Variants in BDH1 observed in about 807,000 individuals in gnomAD.
BDH1 encodes the protein D-beta-hydroxybutyrate dehydrogenase, mitochondrial.
A neutral mutation model predicts 33.1 loss-of-function variants in BDH1; 30 were observed. The ratio of observed to expected loss-of-function variants is 0.91; its 90% CI spans 0.68 to 1.23. The LOEUF is 1.23. Among genes scored for constraint, BDH1 ranks in the 50% most tolerant of loss-of-function variants. The probability of loss-of-function intolerance (pLI) is 0.00; values close to 1 mark genes in which losing one functional copy is unlikely to be tolerated. For synonymous variants in BDH1, 190 were observed against 183.6 expected (o/e 1.03, Z -0.28); for missense variants, 443 against 464.4 (o/e 0.95, Z 0.42).
chr3:197,529,455 C>T (rs1007749728), intron 5 of BDH1: 1 of 152,124 alleles, frequency 6.6e-6, no homozygotes, highest in African/African-American at 2.4e-5. Flanking sequence ...TGCAAATATT[C>T]CAAAATCTGG....
Position 197,510,683 on chromosome 3 carries a change from AGGTGTG to A in BDH1, c.*1206_*1211del. ...GTGTGTGTGTGTGTACATGTGTGTA[AGGTGTG>A]TGTGTGTGTGTGTGTGTGTGTGTGT... On this transcript the variant is annotated 3_prime_UTR_variant, in exon 8 of 8. Transcript: ENST00000392379. 1 of 38,588 alleles carries A rather than the reference AGGTGTG, an allele frequency of 2.6e-5. No individual in the cohort carries two copies. The highest frequency in any genetic ancestry group is 2.9e-4 in the Admixed American group (1 of 3,434). The allele number at this position is 38,588 out of a possible 1,614,324, so 2.4% of individuals were successfully genotyped here. A position where few individuals can be genotyped will look rare whatever the true frequency, so the allele number is the denominator to read the frequency against.
chr3:197,534,182 AT>A (rs1284557963), intron 3 of BDH1: 1 of 152,178 alleles, frequency 6.6e-6, no homozygotes, highest in Non-Finnish European at 1.5e-5. Context: ...AAATACAGAA[AT>A]TTCCATCACC....
chr3:197,560,895 C>T (rs1442422583), upstream of BDH1, among the ~76,000 whole-genome samples: 1 of 152,164 alleles, frequency 6.6e-6, no homozygotes, highest in Non-Finnish European at 1.5e-5. Context: ...TGTCTCTCAC[C>T]TACTTGTGAC....
intron 1 of BDH1, among the ~76,000 whole-genome samples, chr3:197,561,054 C>A (rs538151409): frequency 4.5e-4 from 69 of 152,298 alleles, no homozygotes; most frequent in Middle Eastern, 6.8e-3. Context: ...CCTCCTGAGG[C>A]TGTGTCACAG....
At chr3:197,532,567 G>A in intron 4 of BDH1, 45 bp from the exon 5 acceptor site, 1 of 1,471,466 alleles carries the variant, frequency 6.8e-7, no homozygotes, top group Non-Finnish European at 9.5e-7. Context: ...GGTGGTACAG[G>A]GGCAAAGTGA....
rs1371764046 is a variant in BDH1 at position 197,525,861 on chromosome 3, T to TCTGTGTG, written c.268-3081_268-3080insCACACAG. ...AGGGTTTCTGTGCTCCCTCTGCAGG[T>TCTGTGTG]CTCCGTGCTCCCTCTGCAGGTCTGT... On this transcript the variant is annotated intron_variant, in intron 5 of 7. Coordinates refer to ENST00000392379, the MANE Select transcript of BDH1 (RefSeq NM_203314.3). This position sits in a 1 kb window ranked among gnomAD's most constrained non-coding sequence, Gnocchi z 4.9. Among the ~76,000 whole-genome samples, 473 of 152,126 alleles carry TCTGTGTG rather than the reference T, an allele frequency of 3.1e-3. 3 individuals carry two copies. The highest frequency in any genetic ancestry group is 0.011 in the African/African-American group (442 of 41,510).
rs58429644 is a variant in BDH1 at position 197,523,221 on chromosome 3, TA to T, written c.268-441del. On this transcript the variant is annotated intron_variant, in intron 5 of 7. Coordinates refer to ENST00000392379, the MANE Select transcript of BDH1 (RefSeq NM_203314.3). The surrounding 1 kb of genome is among the most constrained non-coding windows in gnomAD (Gnocchi z 4.5). ...TAAGTGTTGGCAACTTACACACATT[TA>T]AAAAAAAAAACAAAAAAACACTGTG... 175 of 150,830 alleles carry T rather than the reference TA, an allele frequency of 1.2e-3. No homozygotes were observed. The highest frequency in any genetic ancestry group is 3.0e-3 in the Middle Eastern group (1 of 328). 9.3% of individuals were successfully genotyped at this position (150,830 alleles called of 1,614,324 possible).
At chr3:197,530,676 T>C (rs1231072826) in intron 5 of BDH1, 1 of 152,622 alleles carries the variant, frequency 6.6e-6, no homozygotes, top group Admixed American at 6.5e-5. Flanking sequence ...TGAAAACACC[T>C]AAATGCTCAT....
intron 3 of BDH1, among the ~76,000 whole-genome samples, chr3:197,541,071 T>G (rs1385780712): frequency 2.0e-5 from 3 of 152,238 alleles, no homozygotes; most frequent in Non-Finnish European, 4.4e-5. Context: ...TCCCTCAATT[T>G]GCAGCTCTTA....
rs1014674787 is a variant in BDH1, at chr3:197,522,579, C to T, written c.409+61G>A. Reference sequence around the variant, plus strand: ...ATGCCAGCCAGTGGAAGGTGGTGTTCGGCAAGTGCCCCTTGGAATGGCCCC... The same window carrying T: ...ATGCCAGCCAGTGGAAGGTGGTGTTTGGCAAGTGCCCCTTGGAATGGCCCC... On this transcript the variant is annotated intron_variant, in intron 6 of 7. Coordinates refer to ENST00000392379, the MANE Select transcript of BDH1 (RefSeq NM_203314.3). The surrounding 1 kb of genome is among the most constrained non-coding windows in gnomAD (Gnocchi z 4.8). 3.1e-5 allele frequency: 50 copies of T among 1,597,578 alleles called. No individual in the cohort carries two copies. The South Asian group carries it at 3.7e-4, about 12-fold the overall frequency.
At chr3:197,532,604 G>T in intron 4 of BDH1, 82 bp from the exon 5 acceptor site, 1 of 979,342 alleles carries the variant, frequency 1.0e-6, no homozygotes, top group Non-Finnish European at 1.6e-6. Flanking sequence ...TCTGTGCAGT[G>T]AGAGTTAGTG....
chr3:197,553,633 T>C (rs1409772989), intron 2 of BDH1, among the ~76,000 whole-genome samples: 6 of 151,976 alleles, frequency 3.9e-5, no homozygotes, highest in Non-Finnish European at 7.4e-5. Context: ...GAGGATGGAC[T>C]AGAGCAGAAG....
In BDH1 at chr3:197,526,891, C is replaced by T. The variant is rs1363326925; in HGVS notation, c.268-4110G>A. Among the ~76,000 whole-genome samples, 1 of 152,216 alleles carries T rather than the reference C, an allele frequency of 6.6e-6. No individual in the cohort carries two copies. Among genetic ancestry groups the T allele is most frequent in the African/African-American group, 2.4e-5 (1 of 41,448 alleles). ...AGAAGCTCTCCGGGGAGTTCAAGAA[C>T]TTGGAGAAGTCCAGAAGCTCTCCAA... On this transcript the variant is annotated intron_variant, in intron 5 of 7. Transcript: ENST00000392379. This position sits in a 1 kb window ranked among gnomAD's most constrained non-coding sequence, Gnocchi z 4.7.
At chr3:197,542,537 T>G (rs1715730551) in intron 3 of BDH1, among the ~76,000 whole-genome samples, 1 of 148,814 alleles carries the variant, frequency 6.7e-6, no homozygotes, top group South Asian at 2.1e-4. Context: ...TTTTTTTTTT[T>G]TTTGAGACGG....
intron 2 of BDH1, 44 bp from the exon 3 acceptor site, chr3:197,546,530 G>A: frequency 7.3e-7 from 1 of 1,362,928 alleles, no homozygotes; most frequent in Middle Eastern, 1.8e-4. Flanking sequence ...TTGCCTTCCG[G>A]GCTTTAATCA....
At chr3:197,557,123 C>T (rs1460096864), upstream of BDH1, among the ~76,000 whole-genome samples, 2 of 152,184 alleles carry the variant, frequency 1.3e-5, no homozygotes, top group African/African-American at 2.4e-5. This position sits in a 1 kb window ranked among gnomAD's most constrained non-coding sequence, Gnocchi z 4.6. Context: ...CTCCTTGCTT[C>T]GAGTTGTCCC....
intron 1 of BDH1, among the ~76,000 whole-genome samples, chr3:197,562,271 G>C (rs1241180015): frequency 6.6e-6 from 1 of 152,184 alleles, no homozygotes; most frequent in African/African-American, 2.4e-5. Flanking sequence ...CCTAATTCTA[G>C]TTCGGAGATG....
chr3:197,566,098 A>G (rs1296154906), intron 1 of BDH1, among the ~76,000 whole-genome samples: 1 of 152,186 alleles, frequency 6.6e-6, no homozygotes, highest in Non-Finnish European at 1.5e-5. Flanking sequence ...TTTAGACCAT[A>G]TTTGTTTCTG....
At chr3:197,561,197 C>T (rs1340062517) in intron 1 of BDH1, among the ~76,000 whole-genome samples, 2 of 152,136 alleles carry the variant, frequency 1.3e-5, no homozygotes, top group East Asian at 3.8e-4. Flanking sequence ...GACAGATCTA[C>T]TGGTCCTTGG....
Sources: allele counts gnomAD v4.1 joint callset (sites outside exome capture counted in the v4.1 genomes callset), GRCh38; gene constraint gnomAD v4.1.1; non-coding constraint Gnocchi (gnomAD v3.1); transcripts MANE v1.5; gene names NCBI Gene and HGNC (gene_info 2026-07-23, HGNC 2026-07-21).